The following GRIA2 variants were observed in gnomAD, a reference collection of about 807,000 sequenced individuals.
The protein encoded by GRIA2 is glutamate receptor 2.
GRIA2 carries 14 observed loss-of-function variants against 97.3 expected under a neutral mutation model. That is an observed-to-expected ratio of 0.14 (90% CI 0.10 to 0.23). GRIA2 has a LOEUF of 0.23. Ranked by LOEUF, GRIA2 falls within the 10% of genes least tolerant of loss-of-function variation. The probability of loss-of-function intolerance (pLI) is 1.00; values close to 1 mark genes in which losing one functional copy is unlikely to be tolerated. For missense variants in GRIA2, 558 were observed against 1,069.8 expected, an observed-to-expected ratio of 0.52 and a Z score of 6.67; for synonymous variants, 412 against 387.8, an observed-to-expected ratio of 1.06 and a Z score of -0.73.
Position 157,289,630 on chromosome 4 carries a change from G to A in GRIA2, c.230-13922G>A, listed in dbSNP as rs547206212. 5.3e-5 allele frequency among the ~76,000 whole-genome samples: 8 copies of A among 151,806 alleles called. No homozygotes were observed. In the East Asian group the frequency reaches 1.6e-3, roughly 29 times the overall value. ...AATTGTTTTCTTGTGACTTGTGACAGGAAAAGGTATAGCAAAGATTAAATT... is the reference window on the plus strand; with the variant it reads ...AATTGTTTTCTTGTGACTTGTGACAAGAAAAGGTATAGCAAAGATTAAATT... On this transcript the variant is annotated intron_variant, in intron 2 of 15. Coordinates refer to ENST00000264426, the MANE Select transcript of GRIA2 (RefSeq NM_001083619.3).
chr4:157,279,459 A>G (rs1409424217), intron 2 of GRIA2, among the ~76,000 whole-genome samples: 1 of 152,170 alleles, frequency 6.6e-6, no homozygotes, highest in Non-Finnish European at 1.5e-5. Flanking sequence ...ATGAATAGGC[A>G]AAGTACAGAG....
chr4:157,358,682 G>T (rs1031434579), intron 12 of GRIA2, among the ~76,000 whole-genome samples: 1 of 152,020 alleles, frequency 6.6e-6, no homozygotes, highest in African/African-American at 2.4e-5. Context: ...CACAACTTAA[G>T]TCTGAGCATC....
At chr4:157,287,257 C>T (rs1405493857) in intron 2 of GRIA2, among the ~76,000 whole-genome samples, 1 of 151,584 alleles carries the variant, frequency 6.6e-6, no homozygotes, top group East Asian at 1.9e-4. Flanking sequence ...ACTCTGAATA[C>T]TTTATAGTTC....
At chr4:157,234,382 G>A (rs1579292073) in intron 2 of GRIA2, among the ~76,000 whole-genome samples, 1 of 151,896 alleles carries the variant, frequency 6.6e-6, no homozygotes, top group Admixed American at 6.6e-5. Flanking sequence ...ATAGAGGCTA[G>A]GATTTTACTT....
intron 2 of GRIA2, among the ~76,000 whole-genome samples, chr4:157,279,184 C>T (rs908168604): frequency 6.6e-6 from 1 of 152,014 alleles, no homozygotes; most frequent in African/African-American, 2.4e-5. Flanking sequence ...TTCCTAATTG[C>T]CAAAACTTGG....
chr4:157,238,603 ATT>A (rs1730355761), intron 2 of GRIA2, among the ~76,000 whole-genome samples: 1 of 152,062 alleles, frequency 6.6e-6, no homozygotes, highest in African/African-American at 2.4e-5. Context: ...CACACCAATC[ATT>A]TCTTTTCCAT....
chr4:157,231,649 A>G (rs1447548277), intron 2 of GRIA2, among the ~76,000 whole-genome samples: 1 of 152,210 alleles, frequency 6.6e-6, no homozygotes, highest in Non-Finnish European at 1.5e-5. Flanking sequence ...TGCATTTTAT[A>G]GGGAGCATGG....
At chr4:157,347,854 G>A (rs763357927) in intron 12 of GRIA2, among the ~76,000 whole-genome samples, 5 of 152,162 alleles carry the variant, frequency 3.3e-5, no homozygotes, top group Non-Finnish European at 7.4e-5. Context: ...AGGAAAATTT[G>A]ATGGCTCATG....
intron 2 of GRIA2, among the ~76,000 whole-genome samples, chr4:157,281,082 C>A (rs2126813789): frequency 6.6e-6 from 1 of 152,094 alleles, no homozygotes; most frequent in Admixed American, 6.6e-5. Flanking sequence ...TTTCCATGCT[C>A]CCCTGTGTAC....
chr4:157,251,177 CA>C (rs1465198527), intron 2 of GRIA2, among the ~76,000 whole-genome samples: 2 of 152,048 alleles, frequency 1.3e-5, no homozygotes, highest in African/African-American at 2.4e-5. Context: ...AGAGGAGAGA[CA>C]GGGGCAGACT....
At chr4:157,316,222 T>C (rs926623144) in intron 4 of GRIA2, among the ~76,000 whole-genome samples, 1 of 152,194 alleles carries the variant, frequency 6.6e-6, no homozygotes, top group Non-Finnish European at 1.5e-5. Flanking sequence ...CAGCTGATGC[T>C]AATTTATATG....
intron 2 of GRIA2, among the ~76,000 whole-genome samples, chr4:157,299,020 G>T (rs1274119409): frequency 6.6e-6 from 1 of 151,964 alleles, no homozygotes; most frequent in Non-Finnish European, 1.5e-5. Context: ...AAGAAGATAA[G>T]GCAGTGAAAG....
chr4:157,230,247 A>G (rs146727372), intron 2 of GRIA2, among the ~76,000 whole-genome samples: 89 of 150,086 alleles, frequency 5.9e-4, no homozygotes, highest in Non-Finnish European at 1.2e-3. Context: ...ATATTGCAGT[A>G]AGAATATGTC....
At chr4:157,329,975 A>G (rs925196917) in intron 6 of GRIA2, among the ~76,000 whole-genome samples, 5 of 151,922 alleles carry the variant, frequency 3.3e-5, no homozygotes, top group African/African-American at 1.2e-4. Flanking sequence ...GGTAAAATGA[A>G]AGTTTATAAC....
At chr4:157,311,515 T>C (rs1734078730) in intron 3 of GRIA2, among the ~76,000 whole-genome samples, 1 of 152,038 alleles carries the variant, frequency 6.6e-6, no homozygotes, top group Non-Finnish European at 1.5e-5. Context: ...GGTTTTTCTT[T>C]TTTGAAATAG....
intron 12 of GRIA2, among the ~76,000 whole-genome samples, chr4:157,343,221 TTCTA>T (rs1278549656): frequency 6.6e-6 from 1 of 152,094 alleles, no homozygotes; most frequent in Non-Finnish European, 1.5e-5. Flanking sequence ...AATTGATGAC[TTCTA>T]TCTATCAGTA....
intron 2 of GRIA2, among the ~76,000 whole-genome samples, chr4:157,271,086 C>T (rs1039767723): frequency 1.3e-5 from 2 of 151,812 alleles, no homozygotes; most frequent in African/African-American, 4.8e-5. Context: ...ATACTAGTAG[C>T]GTATTAAGAG....
chr4:157,335,288 A>T (rs1180888814), intron 9 of GRIA2: 1 of 212,280 alleles, frequency 4.7e-6, no homozygotes, highest in Non-Finnish European at 9.6e-6. Flanking sequence ...TGGTTTTGGG[A>T]TTGGCCTAAC....
chr4:157,254,396 C>A (rs1434209107), intron 2 of GRIA2, among the ~76,000 whole-genome samples: 1 of 151,904 alleles, frequency 6.6e-6, no homozygotes, highest in African/African-American at 2.4e-5. Context: ...CAATTTATGT[C>A]ATAGAAGATA....
Sources: allele counts gnomAD v4.1 joint callset (sites outside exome capture counted in the v4.1 genomes callset), GRCh38; gene constraint gnomAD v4.1.1; transcripts MANE v1.5; gene names NCBI Gene and HGNC (gene_info 2026-07-23, HGNC 2026-07-21).